AKAP6: variants seen among roughly 807,000 people sequenced by gnomAD.
AKAP6 encodes A-kinase anchor protein 6.
A neutral mutation model predicts 188.5 loss-of-function variants in AKAP6; 58 were observed. The observed-to-expected ratio is 0.31, with a 90% CI of 0.25 to 0.38. AKAP6 has a LOEUF of 0.38. Among genes scored for constraint, AKAP6 ranks in the 10% least tolerant of loss-of-function variants. The pLI, the probability that AKAP6 is intolerant of heterozygous loss-of-function variation, is 1.00. For synonymous variants in AKAP6, 989 were observed against 998.6 expected, an observed-to-expected ratio of 0.99 and a Z score of 0.18; for missense variants, 2,710 against 2,740.0, an observed-to-expected ratio of 0.99 and a Z score of 0.24.
At chr14:32,476,073 C>A (rs1006953095) in intron 2 of AKAP6, among the ~76,000 whole-genome samples, 2 of 151,860 alleles carry the variant, frequency 1.3e-5, no homozygotes, top group Non-Finnish European at 2.9e-5. Flanking sequence ...CTATTTGGTA[C>A]CTTTAAATTT....
At chr14:32,684,337 T>A (rs564198805) in intron 8 of AKAP6, among the ~76,000 whole-genome samples, 11 of 152,338 alleles carry the variant, frequency 7.2e-5, no homozygotes, top group Non-Finnish European at 1.5e-4. Context: ...TCATTTCAGT[T>A]AGAGTTTTTC....
At chr14:32,386,182 A>G (rs1295818390) in intron 1 of AKAP6, among the ~76,000 whole-genome samples, 1 of 152,024 alleles carries the variant, frequency 6.6e-6, no homozygotes, top group Non-Finnish European at 1.5e-5. Flanking sequence ...GAGTCTCCAC[A>G]CTGTTTTTCA....
chr14:32,654,216 TG>T (rs898363920), intron 7 of AKAP6, among the ~76,000 whole-genome samples: 1 of 152,128 alleles, frequency 6.6e-6, no homozygotes, highest in Admixed American at 6.6e-5. Flanking sequence ...TGCAACTGGC[TG>T]GGGGAGCTAT....
rs2032199591 is a variant in AKAP6, at chr14:32,753,045, A to G, written c.3372+17163A>G. Among the ~76,000 whole-genome samples, 3 of 152,174 alleles carry G rather than the reference A, an allele frequency of 2.0e-5. No individual in the cohort carries two copies. The South Asian group carries it at 6.2e-4, about 31-fold the overall frequency. ...GACATCTTTTTGACATACTGATTTTACTTCCTTAGGATATATATCCAGAAG... is the reference window on the plus strand; with the variant it reads ...GACATCTTTTTGACATACTGATTTTGCTTCCTTAGGATATATATCCAGAAG... On this transcript the variant is annotated intron_variant, in intron 11 of 13. Coordinates refer to ENST00000280979, the MANE Select transcript of AKAP6 (RefSeq NM_004274.5).
intron 8 of AKAP6, among the ~76,000 whole-genome samples, chr14:32,686,488 G>T (rs1889931051): frequency 6.6e-6 from 1 of 151,986 alleles, no homozygotes; most frequent in Non-Finnish European, 1.5e-5. Context: ...TGAGAGGATA[G>T]ATGCCCAATT....
intron 7 of AKAP6, among the ~76,000 whole-genome samples, chr14:32,665,194 C>T (rs1888873793): frequency 6.6e-6 from 1 of 151,950 alleles, no homozygotes; most frequent in Non-Finnish European, 1.5e-5. Context: ...CATTATCTAC[C>T]CAGAGACAGT....
intron 5 of AKAP6, among the ~76,000 whole-genome samples, chr14:32,597,004 A>C (rs565429529): frequency 1.2e-4 from 19 of 152,262 alleles, no homozygotes; most frequent in South Asian, 1.2e-3. Context: ...GCAATATTGT[A>C]CCATTTGGGT....
intron 2 of AKAP6, among the ~76,000 whole-genome samples, chr14:32,511,712 T>G (rs1330390766): frequency 6.6e-6 from 1 of 152,204 alleles, no homozygotes; most frequent in African/African-American, 2.4e-5. Flanking sequence ...CAGTTCTTTT[T>G]GTTCGGCCGT....
At position 32,700,327 on chromosome 14, in the gene AKAP6, A is replaced by G. The variant is rs989201796; in HGVS notation, c.3000+4217A>G. Among the ~76,000 whole-genome samples, 8 of 151,978 alleles carry G rather than the reference A, an allele frequency of 5.3e-5. No homozygotes were observed. The South Asian group carries it at 6.2e-4, about 12-fold the overall frequency. On this transcript the variant is annotated intron_variant, in intron 9 of 13. Coordinates refer to ENST00000280979, the MANE Select transcript of AKAP6 (RefSeq NM_004274.5). ...ATCCGAAGTTGGTCTGGAATTCCAG[A>G]CTCCAAGGGTTAATTTCAAGGGCCA... is the stretch of plus-strand genomic sequence containing the variant.
At chr14:32,575,547 T>A (rs1337263613) in intron 4 of AKAP6, among the ~76,000 whole-genome samples, 1 of 152,080 alleles carries the variant, frequency 6.6e-6, no homozygotes, top group Non-Finnish European at 1.5e-5. Flanking sequence ...CAATTGCAAT[T>A]GTGTAGGTCT....
intron 1 of AKAP6, among the ~76,000 whole-genome samples, chr14:32,419,581 T>G (rs879393097): frequency 8.5e-5 from 13 of 152,166 alleles, no homozygotes; most frequent in Non-Finnish European, 1.6e-4. Flanking sequence ...ATAAAAGTTA[T>G]TCACTCCACA....
At chr14:32,586,812 G>A (rs1255726373) in intron 5 of AKAP6, among the ~76,000 whole-genome samples, 2 of 152,158 alleles carry the variant, frequency 1.3e-5, no homozygotes, top group African/African-American at 4.8e-5. Flanking sequence ...GTTGTTTACA[G>A]TCTTTTTCTA....
At chr14:32,743,572 A>G (rs1222168276) in intron 11 of AKAP6, among the ~76,000 whole-genome samples, 1 of 152,128 alleles carries the variant, frequency 6.6e-6, no homozygotes, top group African/African-American at 2.4e-5. Context: ...TGAGGCTTGG[A>G]AATACTATCT....
At chr14:32,510,479 T>TATATGTATATATATAC (rs1881196568) in intron 2 of AKAP6, among the ~76,000 whole-genome samples, 1 of 97,916 alleles carries the variant, frequency 1.0e-5, no homozygotes, top group Non-Finnish European at 2.1e-5. Flanking sequence ...TATATATACA[T>TATATGTATATATATAC]ATATATATGT....
At chr14:32,563,683 C>T (rs1884060008) in intron 4 of AKAP6, among the ~76,000 whole-genome samples, 1 of 152,162 alleles carries the variant, frequency 6.6e-6, no homozygotes, top group Non-Finnish European at 1.5e-5. Flanking sequence ...GTGATGGCCA[C>T]CCCAGGTTCC....
chr14:32,476,683 G>A (rs905445837), intron 2 of AKAP6, among the ~76,000 whole-genome samples: 2 of 152,166 alleles, frequency 1.3e-5, no homozygotes, highest in Non-Finnish European at 2.9e-5. Flanking sequence ...TTTTCCGTAA[G>A]TGTTACCAAA....
intron 5 of AKAP6, among the ~76,000 whole-genome samples, chr14:32,581,942 T>C (rs1002746616): frequency 3.9e-5 from 6 of 152,194 alleles, no homozygotes; most frequent in Admixed American, 6.5e-5. Flanking sequence ...TCTTGACACT[T>C]TATCCAATTT....
chr14:32,828,559 ACACACACACACACT>A (rs1566743750), intron 13 of AKAP6, among the ~76,000 whole-genome samples: 2 of 143,918 alleles, frequency 1.4e-5, no homozygotes, highest in African/African-American at 5.2e-5. Context: ...ACACACACAC[ACACACACACACACT>A]CTCACACCCC....
At chr14:32,560,908 A>G (rs1883930124) in intron 4 of AKAP6, among the ~76,000 whole-genome samples, 1 of 152,182 alleles carries the variant, frequency 6.6e-6, no homozygotes. Flanking sequence ...GCAGAATGCT[A>G]AGGGGTTTAT....
Sources: allele counts gnomAD v4.1 joint callset (sites outside exome capture counted in the v4.1 genomes callset), GRCh38; gene constraint gnomAD v4.1.1; transcripts MANE v1.5; gene names NCBI Gene and HGNC (gene_info 2026-07-23, HGNC 2026-07-21).